Variants in INPP5F observed in about 807,000 individuals in gnomAD.
INPP5F encodes the protein inositol polyphosphate-5-phosphatase F.
A neutral mutation model predicts 137.2 loss-of-function variants in INPP5F; 97 were observed. The ratio of observed to expected loss-of-function variants is 0.71; its 90% CI spans 0.60 to 0.84. The LOEUF (loss-of-function observed/expected upper bound fraction) is 0.84, where lower values mean the gene tolerates loss of function less well. INPP5F is among the 40% of genes least tolerant of loss of function. The pLI is 0.00. For missense variants in INPP5F, 1,271 were observed against 1,371.9 expected (o/e 0.93, Z 1.16); for synonymous variants, 504 against 476.9 (o/e 1.06, Z -0.74).
chr10:119,823,779 T>C, intron 18 of INPP5F, 36 bp from the exon 19 acceptor site: 2 of 1,521,614 alleles, frequency 1.3e-6, no homozygotes, highest in Non-Finnish European at 1.8e-6. Flanking sequence ...AGTATGTTTA[T>C]GGAGAAATTG....
chr10:119,738,446 A>G (rs1848277523), intron 1 of INPP5F, among the ~76,000 whole-genome samples: 1 of 152,208 alleles, frequency 6.6e-6, no homozygotes, highest in Non-Finnish European at 1.5e-5. Context: ...GAAGGATAGT[A>G]TGAGCCCGCT....
intron 11 of INPP5F, 111 bp from the exon 12 acceptor site, chr10:119,806,249 A>G: frequency 2.9e-6 from 2 of 700,152 alleles, no homozygotes; most frequent in South Asian, 2.6e-5. Context: ...AAGATACACC[A>G]AGCAAATTAC....
rs1849393823 is a variant in INPP5F, at chr10:119,772,442, CT to C, written c.179-9190del. Among the ~76,000 whole-genome samples, 3 of 152,002 alleles carry C rather than the reference CT, an allele frequency of 2.0e-5. No homozygotes were observed. In the South Asian group the frequency reaches 6.2e-4, roughly 32 times the overall value. On this transcript the variant is annotated intron_variant, in intron 2 of 19. Transcript: ENST00000650623. ...CTCTTTCTATTTCGTAAATACTAACCTTTAGCATGCCATGTGTTGCAAATAA... is the reference window on the plus strand; with the variant it reads ...CTCTTTCTATTTCGTAAATACTAACCTTAGCATGCCATGTGTTGCAAATAA...
chr10:119,756,178 A>G (rs1848836199), intron 2 of INPP5F, among the ~76,000 whole-genome samples: 1 of 151,968 alleles, frequency 6.6e-6, no homozygotes, highest in Non-Finnish European at 1.5e-5. Flanking sequence ...AAAACAAAAC[A>G]AAAATTCAAT....
chr10:119,727,414 T>C (rs1046244379), intron 1 of INPP5F, among the ~76,000 whole-genome samples: 1 of 152,212 alleles, frequency 6.6e-6, no homozygotes, highest in African/African-American at 2.4e-5. Context: ...CTTTAACATA[T>C]TATTTCCAAT....
chr10:119,767,285 C>T (rs1434812116), intron 2 of INPP5F, among the ~76,000 whole-genome samples: 4 of 151,940 alleles, frequency 2.6e-5, no homozygotes, highest in Non-Finnish European at 5.9e-5. Flanking sequence ...AATTAAAATA[C>T]ACAACAATAG....
chr10:119,731,268 TGA>T (rs1848055171), intron 1 of INPP5F, among the ~76,000 whole-genome samples: 2 of 152,058 alleles, frequency 1.3e-5, no homozygotes, highest in Admixed American at 6.6e-5. Context: ...AATTTTTTTT[TGA>T]GGTATCATTT....
chr10:119,814,187 C>T (rs565276956), intron 15 of INPP5F, among the ~76,000 whole-genome samples: 35 of 151,934 alleles, frequency 2.3e-4, no homozygotes, highest in Non-Finnish European at 4.7e-4. Context: ...GTCAGGAGTT[C>T]GAGACCAGCC....
At chr10:119,782,381 T>G (rs572950940) in intron 3 of INPP5F, among the ~76,000 whole-genome samples, 2 of 152,282 alleles carry the variant, frequency 1.3e-5, no homozygotes, top group East Asian at 3.9e-4. Flanking sequence ...ATGAAAGCAT[T>G]TATGTCCTGT....
intron 1 of INPP5F, among the ~76,000 whole-genome samples, chr10:119,747,020 C>G (rs1004710409): frequency 1.3e-5 from 2 of 151,930 alleles, no homozygotes; most frequent in African/African-American, 2.4e-5. Flanking sequence ...AACTCCTGAC[C>G]TCAAGTGATC....
chr10:119,742,232 T>C lies in INPP5F; in HGVS notation c.98-8844T>C, dbSNP rs547495329. Reference sequence around the variant, plus strand: ...GTGCAGTGGCGCGATCTCAGCTCACTGCAACCTCTGCCTCCCGGGTTCAAG... The same window carrying C: ...GTGCAGTGGCGCGATCTCAGCTCACCGCAACCTCTGCCTCCCGGGTTCAAG... On this transcript the variant is annotated intron_variant, in intron 1 of 19. Transcript: ENST00000650623. 2.6e-5 allele frequency among the ~76,000 whole-genome samples: 4 copies of C among 152,006 alleles called. No individual in the cohort carries two copies. In the South Asian group the frequency reaches 8.3e-4, roughly 32 times the overall value.
intron 6 of INPP5F, among the ~76,000 whole-genome samples, chr10:119,795,321 C>CGG (rs1274664363): frequency 5.3e-5 from 8 of 150,412 alleles, no homozygotes; most frequent in Non-Finnish European, 1.2e-4. Context: ...ACTTCCCAGA[C>CGG]GGGGTGGCTG....
At position 119,766,773 on chromosome 10, in the gene INPP5F, CAG is replaced by C. The variant is rs138789496; in HGVS notation, c.179-14858_179-14857del. 1.4e-3 allele frequency among the ~76,000 whole-genome samples: 209 copies of C among 152,086 alleles called. 1 individual carries two copies. Among genetic ancestry groups the C allele is most frequent in the African/African-American group, 4.9e-3 (202 of 41,502 alleles). On this transcript the variant is annotated intron_variant, in intron 2 of 19. Coordinates refer to ENST00000650623, the MANE Select transcript of INPP5F (RefSeq NM_014937.4). ...AAAGACATTTTGAGACAAATAAAAA[CAG>C]AGAATTTGTCACCAACAGTCTCTGC...
chr10:119,744,301 T>C (rs1418090552), intron 1 of INPP5F, among the ~76,000 whole-genome samples: 3 of 152,210 alleles, frequency 2.0e-5, no homozygotes, highest in Admixed American at 2.0e-4. Context: ...TAGCCTCCAG[T>C]GCCCCATTAT....
In INPP5F at chr10:119,822,517, A is replaced by AT; in HGVS notation, c.2032+14dup. 7.7e-7 allele frequency: 1 copy of AT among 1,292,274 alleles called. No individual in the cohort carries two copies. The highest frequency in any genetic ancestry group is 1.1e-6 in the Non-Finnish European group (1 of 909,660). 80.1% of individuals were successfully genotyped at this position (1,292,274 alleles called of 1,614,324 possible). A position where few individuals can be genotyped will look rare whatever the true frequency, so the allele number is the denominator to read the frequency against. On this transcript the variant is annotated intron_variant, in intron 17 of 19. Transcript: ENST00000650623. ...AAAATTGAAATAGGTAAGTTTTAAC[A>AT]TACTAATCAAGTCATCAAAAGCAAA...
chr10:119,789,052 C>G (rs1328942024), intron 3 of INPP5F, among the ~76,000 whole-genome samples: 1 of 151,998 alleles, frequency 6.6e-6, no homozygotes, highest in Non-Finnish European at 1.5e-5. Context: ...ATGGAGAAAC[C>G]GTGTCTCTAC....
chr10:119,731,133 A>T (rs1848051983), intron 1 of INPP5F, among the ~76,000 whole-genome samples: 1 of 152,134 alleles, frequency 6.6e-6, no homozygotes, highest in African/African-American at 2.4e-5. Flanking sequence ...AATTCACAGA[A>T]ATGTTAAAAA....
chr10:119,775,603 C>T (rs1180619027), intron 2 of INPP5F, among the ~76,000 whole-genome samples: 1 of 152,024 alleles, frequency 6.6e-6, no homozygotes, highest in East Asian at 1.9e-4. Context: ...ACCCAAAGCC[C>T]ATGGGGTTTC....
rs1161613413 is a variant in INPP5F at position 119,726,131 on chromosome 10, C to T, written c.-132C>T. The stretch of plus-strand genomic sequence containing the variant: ...ACCGGTCGGGTGCCCCGGGGCGTTC[C>T]CTCTGCCGCTGCTTCTCGGCGCGGT... On this transcript the variant is annotated 5_prime_UTR_variant, in exon 1 of 20. Coordinates refer to ENST00000650623, the MANE Select transcript of INPP5F (RefSeq NM_014937.4). The T allele has an allele frequency of 8.7e-6, 4 of 459,600 alleles. No homozygotes were observed. Among genetic ancestry groups the T allele is most frequent in the Non-Finnish European group, 1.1e-5 (3 of 282,532 alleles). The allele number at this position is 459,600 out of a possible 1,614,324, so 28.5% of individuals were successfully genotyped here.
Sources: gnomAD v4.1 joint callset for allele counts (sites outside exome capture counted in the v4.1 genomes callset) on GRCh38, gnomAD v4.1.1 for gene constraint, MANE v1.5 for transcripts, NCBI Gene and HGNC (gene_info 2026-07-23, HGNC 2026-07-21) for gene names.